DSC2: variants seen among roughly 807,000 people sequenced by gnomAD.
The protein encoded by DSC2 is desmocollin 2, also known as desmocollin-2.
DSC2 carries 51 observed loss-of-function variants against 87.6 expected under a neutral mutation model. The ratio of observed to expected loss-of-function variants is 0.58; its 90% CI spans 0.46 to 0.74. The LOEUF is 0.74. Among genes scored for constraint, DSC2 ranks in the 30% least tolerant of loss-of-function variants. The pLI is 0.00. For missense variants in DSC2, 1,066 were observed against 1,089.5 expected (o/e 0.98, Z 0.30); for synonymous variants, 383 against 393.2 (o/e 0.97, Z 0.31).
In DSC2 at chr18:31,091,130, A is replaced by G; in HGVS notation, c.372T>C (p.His124=). 4 of 1,613,994 alleles carry G rather than the reference A, an allele frequency of 2.5e-6. No individual in the cohort carries two copies. Among genetic ancestry groups the G allele is most frequent in the Non-Finnish European group, 3.4e-6 (4 of 1,179,912 alleles). ...EHQTKVLKKR[H]TKEKVLRRAK... The stretch of plus-strand genomic sequence containing the variant: ...CGCGCCTTAGAACTTTTTCTTTAGT[A>G]TGTCTTTTCTTTAGGACCTCAATTC... The change falls in exon 4 of 16, where the codon CAT becomes CAC. Residue 124 remains histidine (H), a synonymous_variant. Transcript: ENST00000280904.
At chr18:31,101,812 G>T in intron 1 of DSC2, 91 bp downstream of exon 1, 1 of 326,260 alleles carries the variant, frequency 3.1e-6, no homozygotes, top group Non-Finnish European at 4.4e-6. Context: ...AGCTTTTCCC[G>T]CCACCCCCAC....
chr18:31,096,028 G>C (rs1264273648), intron 1 of DSC2, among the ~76,000 whole-genome samples: 1 of 152,126 alleles, frequency 6.6e-6, no homozygotes, highest in Non-Finnish European at 1.5e-5. Flanking sequence ...GTGTGGGCCA[G>C]ATTTTGAACG....
Position 31,062,022 on chromosome 18 carries a change from C to T in DSC2, c.*5993G>A, listed in dbSNP as rs1986511709. 6.6e-6 allele frequency: 1 copy of T among 152,202 alleles called. No homozygotes were observed. The highest frequency in any genetic ancestry group is 2.1e-4 in the South Asian group (1 of 4,836). 9.4% of individuals were successfully genotyped at this position (152,202 alleles called of 1,614,324 possible). A position where few individuals can be genotyped will look rare whatever the true frequency, so the allele number is the denominator to read the frequency against. Reference sequence around the variant, plus strand: ...AGAAGAGCAGGGCTGGGAACTACCTCTTACGTGTTATCTTCCAAGTGACAT... The same window carrying T: ...AGAAGAGCAGGGCTGGGAACTACCTTTTACGTGTTATCTTCCAAGTGACAT... On this transcript the variant is annotated 3_prime_UTR_variant, in exon 16 of 16. Coordinates refer to ENST00000280904, the MANE Select transcript of DSC2 (RefSeq NM_024422.6).
At chr18:31,071,457 G>T (rs751691915) in intron 13 of DSC2, 148 bp downstream of exon 13, 33 of 734,870 alleles carry the variant, frequency 4.5e-5, no homozygotes, top group Non-Finnish European at 6.9e-5. Flanking sequence ...TGAGGCATAA[G>T]AATCACTGGA....
chr18:31,093,931 A>G lies in DSC2; in HGVS notation c.70-288T>C, dbSNP rs1790689. Among the ~76,000 whole-genome samples the G allele has an allele frequency of 0.41, 61,939 of 151,352 alleles. 13,328 individuals carry two copies. The highest frequency in any genetic ancestry group is 0.49 in the Non-Finnish European group (33,164 of 67,788). On this transcript the variant is annotated intron_variant, in intron 1 of 15. Transcript: ENST00000280904. ...TAAAATAAAAACATATTGGAGAAAG[A>G]AATCAGGACAAAAATATATCAAGGA...
chr18:31,067,073 A>G lies in DSC2; in HGVS notation c.*942T>C, dbSNP rs996420595. 1 of 152,076 alleles carries G rather than the reference A, an allele frequency of 6.6e-6. No individual in the cohort carries two copies. Among genetic ancestry groups the G allele is most frequent in the African/African-American group, 2.4e-5 (1 of 41,454 alleles). 9.4% of individuals were successfully genotyped at this position (152,076 alleles called of 1,614,324 possible). ...ATTAAAGGTTTTTTTTGTTGAAGAG[A>G]TAATGAAGCAATCACCAAGATATTT... On this transcript the variant is annotated 3_prime_UTR_variant, in exon 16 of 16. Transcript: ENST00000280904.
rs1292531288 is a variant in DSC2 at position 31,060,418 on chromosome 18, T to G, written c.*7597A>C. 2 of 151,986 alleles carry G rather than the reference T, an allele frequency of 1.3e-5. No homozygotes were observed. The highest frequency in any genetic ancestry group is 2.4e-5 in the African/African-American group (1 of 41,374). The allele number at this position is 151,986 out of a possible 1,614,324, so 9.4% of individuals were successfully genotyped here. A position where few individuals can be genotyped will look rare whatever the true frequency, so the allele number is the denominator to read the frequency against. On this transcript the variant is annotated 3_prime_UTR_variant, in exon 16 of 16. Coordinates refer to ENST00000280904, the MANE Select transcript of DSC2 (RefSeq NM_024422.6). Reference sequence around the variant, plus strand: ...ATTGGCCCTGTTCCCAGGGGAACACTCCTTAAGCTGAAAAGTCTCGTCTCT... The same window carrying G: ...ATTGGCCCTGTTCCCAGGGGAACACGCCTTAAGCTGAAAAGTCTCGTCTCT...
At chr18:31,079,656 A>G (rs1987137302) in intron 11 of DSC2, among the ~76,000 whole-genome samples, 191 bp downstream of exon 11, 1 of 152,154 alleles carries the variant, frequency 6.6e-6, no homozygotes, top group Non-Finnish European at 1.5e-5. Context: ...TTATAATTAC[A>G]TCTAAAACTG....
chr18:31,069,006 C>T lies in DSC2; in HGVS notation c.2396G>A (p.Gly799Glu), dbSNP rs794728071. The T allele has an allele frequency of 1.2e-6, 2 of 1,613,888 alleles. No homozygotes were observed. The highest frequency in any genetic ancestry group is 8.5e-7 in the Non-Finnish European group (1 of 1,179,994). The change falls in exon 15 of 16, where the codon GGG (glycine) becomes GAG (glutamate). Residue 799 changes from glycine (G) to glutamate (E), a missense_variant. By Grantham distance (98) the Gly-to-Glu change is moderately conservative. Transcript: ENST00000280904. The stretch of plus-strand genomic sequence containing the variant: ...GTCCAGGGTGTGATGGTGGCCAGCC[C>T]CCCGGCAGGATTCCGAGGTCTGGTG... ...GGHQTSESCR[G>E]AGHHHTLDSC... is the part of the protein sequence containing the mutation.
chr18:31,070,194 T>C (rs1986776749), intron 14 of DSC2, among the ~76,000 whole-genome samples: 1 of 152,218 alleles, frequency 6.6e-6, no homozygotes, highest in Non-Finnish European at 1.5e-5. Flanking sequence ...TACTTGTTCC[T>C]TTTCCACATA....
chr18:31,077,077 T>C (rs1486470582), intron 11 of DSC2, among the ~76,000 whole-genome samples: 2 of 151,900 alleles, frequency 1.3e-5, no homozygotes, highest in Non-Finnish European at 1.5e-5. Context: ...GAAAAAAATA[T>C]AGTAAAGGAT....
At chr18:31,087,852 T>A (rs1219727127) in intron 5 of DSC2, 39 bp from the exon 6 acceptor site, 1 of 1,607,456 alleles carries the variant, frequency 6.2e-7, no homozygotes, top group Non-Finnish European at 8.5e-7. Flanking sequence ...GTGAAAATAA[T>A]CTTTTAAAAT....
intron 7 of DSC2, 73 bp downstream of exon 7, chr18:31,086,503 C>T: frequency 1.9e-6 from 3 of 1,555,078 alleles, no homozygotes; most frequent in Non-Finnish European, 1.8e-6. Flanking sequence ...TTTTCAAAAA[C>T]ACATCTACAG....
rs1340591724 is a variant in DSC2, at chr18:31,093,563, A to G, written c.150T>C (p.Gly50=). 2.5e-6 allele frequency: 4 copies of G among 1,605,520 alleles called. No homozygotes were observed. Among genetic ancestry groups the G allele is most frequent in the African/African-American group, 2.7e-5 (2 of 74,768 alleles). ...PSKLDAEKLV[G]RVNLKECFTA... is the part of the protein sequence containing the mutation. The stretch of plus-strand genomic sequence containing the variant: ...CAAATTTTAGGGCTTCCTTACCTCT[A>G]CCAACAAGTTTCTCGGCATCTAGTT... The change falls in exon 2 of 16, where the codon GGT becomes GGC. Residue 50 remains glycine, a synonymous_variant. Coordinates refer to ENST00000280904, the MANE Select transcript of DSC2 (RefSeq NM_024422.6).
chr18:31,072,339 C>A (rs1194466986), intron 12 of DSC2, among the ~76,000 whole-genome samples: 1 of 152,124 alleles, frequency 6.6e-6, no homozygotes, highest in African/African-American at 2.4e-5. Context: ...CTTAAAACAC[C>A]CCTGACAGTG....
At chr18:31,087,562 C>CGGT in intron 6 of DSC2, 107 bp downstream of exon 6, 1 of 1,326,950 alleles carries the variant, frequency 7.5e-7, no homozygotes, top group Non-Finnish European at 1.1e-6. Context: ...CCCAGAGTCC[C>CGGT]TTATTCTTGC....
At chr18:31,075,653 C>T (rs1670862543) in intron 11 of DSC2, among the ~76,000 whole-genome samples, 1 of 152,198 alleles carries the variant, frequency 6.6e-6, no homozygotes, top group South Asian at 2.1e-4. Flanking sequence ...GAGTTCGAGA[C>T]CAGCCTGACC....
In DSC2 at chr18:31,060,941, A is replaced by G. The variant is rs1986488672; in HGVS notation, c.*7074T>C. 3 of 152,228 alleles carry G rather than the reference A, an allele frequency of 2.0e-5. No homozygotes were observed. The highest frequency in any genetic ancestry group is 2.0e-4 in the Admixed American group (3 of 15,282). The allele number at this position is 152,228 out of a possible 1,614,324, so 9.4% of individuals were successfully genotyped here. On this transcript the variant is annotated 3_prime_UTR_variant, in exon 16 of 16. Transcript: ENST00000280904. ...TAATATGTTTTATATGAAAAGGCAA[A>G]TTTTAAATACTTAAGTTTCATAAAC...
In DSC2 at chr18:31,063,397, G is replaced by T. The variant is rs1395533035; in HGVS notation, c.*4618C>A. The T allele has an allele frequency of 1.3e-5, 2 of 151,576 alleles. No homozygotes were observed. The highest frequency in any genetic ancestry group is 4.9e-5 in the African/African-American group (2 of 41,220). The allele number at this position is 151,576 out of a possible 1,614,324, so 9.4% of individuals were successfully genotyped here. ...CATGCAATTGTGAACACCTTTCTTGGTCCTTAGTGTCCTACATGAAAGAAA... is the reference window on the plus strand; with the variant it reads ...CATGCAATTGTGAACACCTTTCTTGTTCCTTAGTGTCCTACATGAAAGAAA... On this transcript the variant is annotated 3_prime_UTR_variant, in exon 16 of 16. Coordinates refer to ENST00000280904, the MANE Select transcript of DSC2 (RefSeq NM_024422.6).
Sources: allele counts gnomAD v4.1 joint callset (sites outside exome capture counted in the v4.1 genomes callset), GRCh38; gene constraint gnomAD v4.1.1; transcripts MANE v1.5; gene names NCBI Gene and HGNC (gene_info 2026-07-23, HGNC 2026-07-21).